Variants in ITGA10 observed in about 807,000 individuals in gnomAD.
The protein encoded by ITGA10 is integrin alpha-10.
Under a neutral mutation model 145.2 loss-of-function variants are expected in ITGA10, and 105 were observed. The ratio of observed to expected loss-of-function variants is 0.72; its 90% CI spans 0.62 to 0.85. The LOEUF (loss-of-function observed/expected upper bound fraction) is 0.85. ITGA10 is among the 40% of genes least tolerant of loss of function. The pLI, the probability that ITGA10 is intolerant of heterozygous loss-of-function variation, is 0.00. For missense variants in ITGA10, 1,317 were observed against 1,444.5 expected (o/e 0.91, Z 1.43); for synonymous variants, 506 against 557.8 (o/e 0.91, Z 1.31).
chr1:145,895,373 A>C lies in ITGA10; in HGVS notation c.3135T>G (p.Cys1045Trp). The C allele has an allele frequency of 1.9e-6, 3 of 1,613,704 alleles. No individual in the cohort carries two copies. Among genetic ancestry groups the C allele is most frequent in the Non-Finnish European group, 2.5e-6 (3 of 1,179,618 alleles). The change falls in exon 27 of 30, where the codon TGT becomes TGG. Residue 1045 changes from cysteine to tryptophan, a missense_variant. Coordinates refer to ENST00000369304, the MANE Select transcript of ITGA10 (RefSeq NM_003637.5). Reference protein sequence around the residue: ...TNRLNGSNTQCQVVRCHLGQL... With the variant: ...TNRLNGSNTQWQVVRCHLGQL... ...GCCCAAGGTGGCACCTCACCACCTG[A>C]CACTGAGTATTGCTCCCATTCTAAC... is the stretch of plus-strand genomic sequence containing the variant.
intron 27 of ITGA10, among the ~76,000 whole-genome samples, chr1:145,894,389 C>T (rs146930144): frequency 0.037 from 5,589 of 152,080 alleles, 310 homozygotes; most frequent in East Asian, 0.17. Context: ...GGATTACAGG[C>T]GTGAGCCACC....
rs1553747389 is a variant in ITGA10, at chr1:145,900,053, T to C, written c.1922+4A>G. The C allele has an allele frequency of 2.5e-6, 4 of 1,612,314 alleles. No homozygotes were observed. The East Asian group carries it at 6.7e-5, about 27-fold the overall frequency. ...CCACCACCACCTGAGCTGGGACCCC[T>C]CACCTGAGCAGGATGGCTGCCCCCT... is the stretch of plus-strand genomic sequence containing the variant. On this transcript the variant is annotated splice_donor_region_variant and intron_variant, in intron 15 of 29. Coordinates refer to ENST00000369304, the MANE Select transcript of ITGA10 (RefSeq NM_003637.5).
In ITGA10 at chr1:145,893,178, C is replaced by T; in HGVS notation, c.3421G>A (p.Val1141Ile). 6.2e-7 allele frequency: 1 copy of T among 1,613,000 alleles called. No homozygotes were observed. The highest frequency in any genetic ancestry group is 8.5e-7 in the Non-Finnish European group (1 of 1,179,020). ...GTGCTTACCTTCCACAGGCAGAAGA[C>T]AAGGAGAGCAAGCAGGAGCAACCCT... is the stretch of plus-strand genomic sequence containing the variant. ...LGGLLLLALLVFCLWKLGFFA... is the reference protein window; with the variant it reads ...LGGLLLLALLIFCLWKLGFFA... Residue 1141 changes from valine to isoleucine, a missense_variant, in exon 29 of 30, where the codon GTC (valine) becomes ATC (isoleucine). Coordinates refer to ENST00000369304, the MANE Select transcript of ITGA10 (RefSeq NM_003637.5).
In ITGA10 at chr1:145,902,472, G is replaced by A. The variant is rs1392471754; in HGVS notation, c.1057C>T (p.Arg353Trp). 2.1e-5 allele frequency: 34 copies of A among 1,611,034 alleles called. No homozygotes were observed. The highest frequency in any genetic ancestry group is 2.7e-5 in the Non-Finnish European group (32 of 1,178,656). The stretch of plus-strand genomic sequence containing the variant: ...TCCTCACCTTCAAGGCCAAAAATCC[G>A]ATCTCCTAGTGCATCCACAATGTCA... ...LTDIVDALGD[R>W]IFGLEGSHAE... is the part of the protein sequence containing the mutation. Residue 353 changes from arginine to tryptophan, a missense_variant, in exon 9 of 30, where the codon CGG (arginine) becomes TGG (tryptophan). Arg to Trp is a moderately radical substitution (Grantham distance 101). Coordinates refer to ENST00000369304, the MANE Select transcript of ITGA10 (RefSeq NM_003637.5).
At chr1:145,908,620 C>T (rs1657468328) in intron 1 of ITGA10, among the ~76,000 whole-genome samples, 1 of 152,154 alleles carries the variant, frequency 6.6e-6, no homozygotes, top group East Asian at 1.9e-4. Context: ...AATTCCAGGC[C>T]TCTTGTCCTT....
Position 145,897,847 on chromosome 1 carries a change from C to G in ITGA10, c.2400G>C (p.Val800=). The change falls in exon 19 of 30, where the codon GTG becomes GTC. Residue 800 remains valine, a synonymous_variant. Transcript: ENST00000369304. ...GPDNECVTDL[V]LQVNMDIRGS... ...CTCTGATGTCCATATTCACTTGAAGCACCAGGTCTGTGACACATTCATTGT... is the reference window on the plus strand; with the variant it reads ...CTCTGATGTCCATATTCACTTGAAGGACCAGGTCTGTGACACATTCATTGT... 8 of 1,614,152 alleles carry G rather than the reference C, an allele frequency of 5.0e-6. No individual in the cohort carries two copies. The highest frequency in any genetic ancestry group is 6.8e-6 in the Non-Finnish European group (8 of 1,180,032).
At position 145,895,866 on chromosome 1, in the gene ITGA10, G is replaced by A. The variant is rs936424540; in HGVS notation, c.3033+117C>T. The A allele has an allele frequency of 3.4e-5, 35 of 1,033,486 alleles. No homozygotes were observed. In the Middle Eastern group the frequency reaches 7.2e-4, roughly 21 times the overall value. The allele number at this position is 1,033,486 out of a possible 1,614,324, so 64.0% of individuals were successfully genotyped here. Reference sequence around the variant, plus strand: ...ACATGTGTAAAAAGAAAGCCCCCCAGAGAGAAGAGCCCCAAGAGCAGAGGC... The same window carrying A: ...ACATGTGTAAAAAGAAAGCCCCCCAAAGAGAAGAGCCCCAAGAGCAGAGGC... On this transcript the variant is annotated intron_variant, in intron 25 of 29. Transcript: ENST00000369304.
rs1553748537 is a variant in ITGA10, at chr1:145,901,586, C to T, written c.1373G>A (p.Gly458Glu). 4 of 1,607,882 alleles carry T rather than the reference C, an allele frequency of 2.5e-6. No homozygotes were observed. The highest frequency in any genetic ancestry group is 4.5e-5 in the East Asian group (2 of 44,798). The change falls in exon 12 of 30, where the codon GGA becomes GAA. Residue 458 changes from glycine (G) to glutamate (E), a missense_variant. By Grantham distance (98) the Gly-to-Glu change is moderately conservative. Transcript: ENST00000369304. This position sits in a 1 kb window ranked among gnomAD's most constrained non-coding sequence, Gnocchi z 4.3. Reference sequence around the variant, plus strand: ...CTTAAGCTGGAAGGCGATGACTTTTCCTCGATGTCTAAATCGAGGAGCCCC... The same window carrying T: ...CTTAAGCTGGAAGGCGATGACTTTTTCTCGATGTCTAAATCGAGGAGCCCC... ...LSGAPRFRHR[G>E]KVIAFQLKKD...
At chr1:145,907,499 T>G in intron 1 of ITGA10, 34 bp from the exon 2 acceptor site, 1 of 1,613,154 alleles carries the variant, frequency 6.2e-7, no homozygotes, top group Non-Finnish European at 8.5e-7. Context: ...TAGTATGAGG[T>G]AGTGAATGGC....
At chr1:145,897,677 G>C (rs897541692) in intron 19 of ITGA10, 24 bp from the exon 20 acceptor site, 1 of 1,613,974 alleles carries the variant, frequency 6.2e-7, no homozygotes, top group Non-Finnish European at 8.5e-7. Context: ...ATGAGGGAGA[G>C]ACCAGGAGTT....
chr1:145,904,010 T>G, intron 7 of ITGA10, 42 bp downstream of exon 7: 1 of 1,611,378 alleles, frequency 6.2e-7, no homozygotes, highest in Non-Finnish European at 8.5e-7. Flanking sequence ...TTCTAAGCCT[T>G]CATTGCTCTA....
intron 22 of ITGA10, 36 bp downstream of exon 22, chr1:145,896,975 A>G (rs371803561): frequency 2.3e-4 from 358 of 1,580,344 alleles, no homozygotes; most frequent in Non-Finnish European, 3.1e-4. Flanking sequence ...ACTCAGTAGG[A>G]GGAGAGGTCT....
intron 6 of ITGA10, 95 bp downstream of exon 6, chr1:145,904,589 A>G (rs1656857136): frequency 1.5e-6 from 2 of 1,310,036 alleles, no homozygotes. Flanking sequence ...TGCCCAGGCT[A>G]GTCTTGAACT....
At chr1:145,905,485 T>C (rs1192506359) in intron 5 of ITGA10, among the ~76,000 whole-genome samples, 3 of 152,086 alleles carry the variant, frequency 2.0e-5, no homozygotes, top group African/African-American at 7.2e-5. Context: ...TTTACTCTGT[T>C]AGCCAGGATG....
chr1:145,898,795 A>T, intron 17 of ITGA10, 141 bp downstream of exon 17: 3 of 1,010,748 alleles, frequency 3.0e-6, no homozygotes, highest in Non-Finnish European at 4.3e-6. Context: ...TCAAACCCAG[A>T]TCAGCCCTGA....
At chr1:145,907,324 A>G in intron 2 of ITGA10, 30 bp downstream of exon 2, 1 of 1,614,078 alleles carries the variant, frequency 6.2e-7, no homozygotes. Flanking sequence ...CTGCAGTCCC[A>G]ATCCCCTGGC....
chr1:145,900,867 G>A lies in ITGA10; in HGVS notation c.1714C>T (p.Pro572Ser). ...DGFADVAVGAPLEDGHQGALY... is the reference protein window; with the variant it reads ...DGFADVAVGASLEDGHQGALY... ...GCTCCCTGGTGCCCATCTTCCAGAG[G>A]CGCCCCCACAGCCACATCAGCAAAA... is the stretch of plus-strand genomic sequence containing the variant. The change falls in exon 14 of 30, where the codon CCT becomes TCT. Residue 572 changes from proline to serine, a missense_variant. Physicochemically the swap from Pro to Ser is moderately conservative, Grantham distance 74. Coordinates refer to ENST00000369304, the MANE Select transcript of ITGA10 (RefSeq NM_003637.5). The A allele has an allele frequency of 6.2e-7, 1 of 1,614,066 alleles. No individual in the cohort carries two copies. The highest frequency in any genetic ancestry group is 8.5e-7 in the Non-Finnish European group (1 of 1,180,030).
intron 6 of ITGA10, 48 bp from the exon 7 acceptor site, chr1:145,904,248 G>A (rs1656795165): frequency 6.3e-7 from 1 of 1,581,928 alleles, no homozygotes; most frequent in African/African-American, 1.3e-5. Context: ...TGAGATGGGG[G>A]GAGAGGAGGA....
At chr1:145,907,275 T>C in intron 2 of ITGA10, 79 bp downstream of exon 2, 1 of 1,610,120 alleles carries the variant, frequency 6.2e-7, no homozygotes, top group Non-Finnish European at 8.5e-7. Flanking sequence ...CAGATTAGTT[T>C]AGAGTCCCAT....
Sources: allele counts gnomAD v4.1 joint callset (sites outside exome capture counted in the v4.1 genomes callset), GRCh38; gene constraint gnomAD v4.1.1; non-coding constraint Gnocchi (gnomAD v3.1); transcripts MANE v1.5; gene names NCBI Gene and HGNC (gene_info 2026-07-23, HGNC 2026-07-21).